USH2A: variants seen among roughly 807,000 people sequenced by gnomAD.
USH2A encodes usherin.
Under a neutral mutation model 538.9 loss-of-function variants are expected in USH2A, and 443 were observed. The ratio of observed to expected loss-of-function variants is 0.82; its 90% CI spans 0.76 to 0.89. The LOEUF (loss-of-function observed/expected upper bound fraction) is 0.89, where lower values mean the gene tolerates loss of function less well. Ranked by LOEUF, USH2A falls within the 40% of genes least tolerant of loss-of-function variation. USH2A has a pLI of 0.00. For synonymous variants in USH2A, 2,413 were observed against 2,273.5 expected (o/e 1.06, Z -1.75); for missense variants, 6,633 against 6,324.8 (o/e 1.05, Z -1.65).
intron 35 of USH2A, among the ~76,000 whole-genome samples, chr1:215,985,063 G>A (rs1012131843): frequency 2.0e-5 from 3 of 152,184 alleles, no homozygotes; most frequent in Non-Finnish European, 4.4e-5. Flanking sequence ...GTTACGCAAG[G>A]TTTGCTCAAA....
chr1:215,929,136 G>T (rs1321401853), intron 38 of USH2A, among the ~76,000 whole-genome samples: 1 of 121,246 alleles, frequency 8.2e-6, no homozygotes, highest in Non-Finnish European at 1.7e-5. Context: ...TACTTGCTTT[G>T]GGCTAGCATT....
intron 14 of USH2A, among the ~76,000 whole-genome samples, 196 bp from the exon 15 acceptor site, chr1:216,217,746 T>C (rs2035371175): frequency 6.6e-6 from 1 of 152,016 alleles, no homozygotes; most frequent in African/African-American, 2.4e-5. Context: ...ATAAAACTAC[T>C]GTTCCTGGTA....
At chr1:216,281,872 T>G (rs997877874) in intron 11 of USH2A, among the ~76,000 whole-genome samples, 3 of 146,296 alleles carry the variant, frequency 2.1e-5, no homozygotes, top group East Asian at 4.0e-4. Context: ...TCTGTTTTTT[T>G]TTTTTTTTTT....
chr1:216,133,774 TGA>T (rs1353096828), intron 21 of USH2A, among the ~76,000 whole-genome samples: 2 of 152,174 alleles, frequency 1.3e-5, no homozygotes, highest in Non-Finnish European at 2.9e-5. Flanking sequence ...GGCTTTGTGT[TGA>T]GTTTCCTTTT....
At chr1:215,836,488 T>TTACATA (rs1663504276) in intron 47 of USH2A, among the ~76,000 whole-genome samples, 1 of 20,810 alleles carries the variant, frequency 4.8e-5, no homozygotes, top group Non-Finnish European at 8.9e-5. Flanking sequence ...ATAATATATA[T>TTACATA]TATATATATA....
chr1:215,967,164 A>T (rs1426496242), intron 36 of USH2A, among the ~76,000 whole-genome samples: 1 of 152,070 alleles, frequency 6.6e-6, no homozygotes, highest in East Asian at 1.9e-4. Flanking sequence ...ACTTTAATAC[A>T]TTGTAATTCT....
At chr1:216,147,818 C>T (rs1416080533) in intron 21 of USH2A, among the ~76,000 whole-genome samples, 1 of 151,594 alleles carries the variant, frequency 6.6e-6, no homozygotes, top group Non-Finnish European at 1.5e-5. Flanking sequence ...CAGGAGCTTG[C>T]TACACGTGCT....
At chr1:216,308,427 A>T (rs1481395185) in intron 9 of USH2A, among the ~76,000 whole-genome samples, 1 of 152,062 alleles carries the variant, frequency 6.6e-6, no homozygotes, top group African/African-American at 2.4e-5. Flanking sequence ...TAGTTTACTG[A>T]TAACCAGTAA....
intron 38 of USH2A, among the ~76,000 whole-genome samples, chr1:215,931,846 T>C (rs1181270782): frequency 9.2e-5 from 14 of 151,936 alleles, no homozygotes; most frequent in Non-Finnish European, 2.1e-4. Context: ...AATTTCAGTA[T>C]AATGTAACTG....
intron 61 of USH2A, among the ~76,000 whole-genome samples, chr1:215,706,142 C>T (rs949511010): frequency 2.0e-5 from 3 of 152,106 alleles, no homozygotes; most frequent in Non-Finnish European, 4.4e-5. Flanking sequence ...CAGGATTTGC[C>T]TGGGGGGATC....
intron 61 of USH2A, among the ~76,000 whole-genome samples, chr1:215,716,621 T>G (rs559508431): frequency 6.6e-6 from 1 of 152,338 alleles, no homozygotes; most frequent in South Asian, 2.1e-4. Context: ...TATACTGTAA[T>G]TTTACTATCT....
rs568141672 is a variant in USH2A at position 215,674,840 on chromosome 1, T to G, written c.13071A>C (p.Ser4357=). 2.0e-5 allele frequency: 32 copies of G among 1,614,170 alleles called. No homozygotes were observed. The South Asian group carries it at 3.4e-4, about 17-fold the overall frequency. ...TSITTLEAAP[S]EVSPPDLWAV... ...CCCAAAGATCTGGAGGGCTGACTTC[T>G]GATGGAGCAGCCTCCAGAGTTGTGA... Residue 4357 remains serine, a synonymous_variant, in exon 63 of 72, where the codon TCA becomes TCC. Coordinates refer to ENST00000307340, the MANE Select transcript of USH2A (RefSeq NM_206933.4).
chr1:216,051,574 A>G (rs1408350234), intron 30 of USH2A, among the ~76,000 whole-genome samples: 2 of 152,218 alleles, frequency 1.3e-5, no homozygotes, highest in Non-Finnish European at 2.9e-5. Flanking sequence ...AGAGAATAAG[A>G]CTTTTAATCC....
rs1429951735 is a variant in USH2A, at chr1:216,207,315, C to T, written c.3274G>A (p.Asp1092Asn). ...AHWLTYSLLR[D>N]GFEIYTTEDQ... Reference sequence around the variant, plus strand: ...TCTGTTGTGTAGATTTCAAAACCATCCCTGAGTAAACTGTAAGTAAGCCAG... The same window carrying T: ...TCTGTTGTGTAGATTTCAAAACCATTCCTGAGTAAACTGTAAGTAAGCCAG... The change falls in exon 16 of 72, where the codon GAT (aspartate) becomes AAT (asparagine). Residue 1092 changes from aspartate (D) to asparagine (N), a missense_variant. Physicochemically the swap from Asp to Asn is conservative, Grantham distance 23. Transcript: ENST00000307340. 2 of 1,613,702 alleles carry T rather than the reference C, an allele frequency of 1.2e-6. No homozygotes were observed. The highest frequency in any genetic ancestry group is 2.2e-5 in the South Asian group (2 of 91,056).
rs758705956 is a variant in USH2A at position 216,246,902 on chromosome 1, T to A, written c.2492A>T (p.Glu831Val). 8 of 1,613,990 alleles carry A rather than the reference T, an allele frequency of 5.0e-6. No individual in the cohort carries two copies. The highest frequency in any genetic ancestry group is 1.7e-5 in the Admixed American group (1 of 59,982). ...ATTTTGCCGTAGGTAGAAGTTTCCC[T>A]CCAAACATTTATTGCACTGTCTCCC... ...VEGRQCNKCL[E>V]GNFYLRQNNS... The change falls in exon 13 of 72, where the codon GAG becomes GTG. Residue 831 changes from glutamate (E) to valine (V), a missense_variant. Physicochemically the swap from Glu to Val is moderately radical, Grantham distance 121. Coordinates refer to ENST00000307340, the MANE Select transcript of USH2A (RefSeq NM_206933.4).
At chr1:216,088,617 T>G (rs2032206396) in intron 23 of USH2A, among the ~76,000 whole-genome samples, 1 of 152,178 alleles carries the variant, frequency 6.6e-6, no homozygotes. Flanking sequence ...TCCTCTCAAC[T>G]GTGTAAGTTA....
intron 36 of USH2A, among the ~76,000 whole-genome samples, chr1:215,967,639 G>A (rs1399924403): frequency 6.6e-6 from 1 of 151,986 alleles, no homozygotes; most frequent in Non-Finnish European, 1.5e-5. Flanking sequence ...GGGATTTAAG[G>A]GGTTTAAGCA....
intron 32 of USH2A, among the ~76,000 whole-genome samples, chr1:216,007,665 G>A (rs1484488295): frequency 6.6e-6 from 1 of 152,226 alleles, no homozygotes; most frequent in African/African-American, 2.4e-5. Context: ...GCCCAAGTGT[G>A]ATGTAGAAGC....
At chr1:215,999,928 C>T (rs868639443) in intron 33 of USH2A, among the ~76,000 whole-genome samples, 1 of 151,998 alleles carries the variant, frequency 6.6e-6, no homozygotes, top group Non-Finnish European at 1.5e-5. Context: ...TAGCTCAGCA[C>T]AATAGTACAC....
Sources: allele counts gnomAD v4.1 joint callset (sites outside exome capture counted in the v4.1 genomes callset), GRCh38; gene constraint gnomAD v4.1.1; transcripts MANE v1.5; gene names NCBI Gene and HGNC (gene_info 2026-07-23, HGNC 2026-07-21).